The following IGFN1 variants were observed in gnomAD, a reference collection of about 807,000 sequenced individuals.
IGFN1 encodes the protein immunoglobulin like and fibronectin type III domain containing 1, also known as immunoglobulin-like and fibronectin type III domain-containing protein 1.
In IGFN1, 253 loss-of-function variants were observed where a neutral mutation model predicts 289.5. That is an observed-to-expected ratio of 0.87 (90% CI 0.79 to 0.97). IGFN1 has a LOEUF of 0.97. Among genes scored for constraint, IGFN1 ranks in the 50% least tolerant of loss-of-function variants. IGFN1 has a pLI of 0.00. For missense variants in IGFN1, 4,470 were observed against 4,686.1 expected, an observed-to-expected ratio of 0.95 and a Z score of 1.35; for synonymous variants, 1,706 against 1,788.5, an observed-to-expected ratio of 0.95 and a Z score of 1.16.
At chr1:201,204,491 A>T (rs531861781) in intron 10 of IGFN1, among the ~76,000 whole-genome samples, 4 of 152,186 alleles carry the variant, frequency 2.6e-5, no homozygotes, top group Non-Finnish European at 5.9e-5. Context: ...CTTTGGACAG[A>T]CATGTCGTAA....
intron 5 of IGFN1, among the ~76,000 whole-genome samples, chr1:201,198,615 C>A (rs371095017): frequency 6.6e-6 from 1 of 151,704 alleles, no homozygotes; most frequent in African/African-American, 2.4e-5. Flanking sequence ...TTTGTAGAGG[C>A]GGGGTCTCCC....
At position 201,221,645 on chromosome 1, in the gene IGFN1, G is replaced by A. The variant is rs138831338; in HGVS notation, c.10100G>A (p.Arg3367Gln). ...ACCACCTACACGGCCAAGGGGCTTC[G>A]GCCTGGAGAGGGCTACTTCGTGCGG... is the stretch of plus-strand genomic sequence containing the variant. ...PVTTYTAKGL[R>Q]PGEGYFVRVT... is the part of the protein sequence containing the mutation. The change falls in exon 19 of 24, where the codon CGG becomes CAG. Residue 3367 changes from arginine (R) to glutamine (Q), a missense_variant. Physicochemically the swap from Arg to Gln is conservative, Grantham distance 43. Coordinates refer to ENST00000335211, the MANE Select transcript of IGFN1 (RefSeq NM_001164586.2). 3.8e-5 allele frequency: 61 copies of A among 1,614,090 alleles called. No individual in the cohort carries two copies. Among genetic ancestry groups the A allele is most frequent in the African/African-American group, 6.7e-5 (5 of 74,934 alleles).
In IGFN1 at chr1:201,215,041, A is replaced by G. The variant is rs567882811; in HGVS notation, c.8882A>G (p.Lys2961Arg). 9 of 1,614,064 alleles carry G rather than the reference A, an allele frequency of 5.6e-6. No individual in the cohort carries two copies. The South Asian group carries it at 8.8e-5, about 16-fold the overall frequency. The change falls in exon 14 of 24, where the codon AAG (lysine) becomes AGG (arginine). Residue 2961 changes from lysine (K) to arginine (R), a missense_variant. By Grantham distance (26) the Lys-to-Arg change is conservative (BLOSUM62 2). This residue lies in a region of IGFN1 where 2,218 missense variants were observed against 2,114.1 expected (regional missense o/e 1.05). Transcript: ENST00000335211. ...ACCACCCAGGATGGAGTCATCTTTA[A>G]GCAAGACGGTCTCGTGCACAGCCTC... The part of the protein sequence containing the change: ...KLTTQDGVIF[K>R]QDGLVHSLFI...
intron 19 of IGFN1, 118 bp from the exon 20 acceptor site, chr1:201,222,621 T>C: frequency 1.6e-6 from 1 of 632,748 alleles, no homozygotes; most frequent in Middle Eastern, 3.6e-4. Context: ...TATGTTGGGA[T>C]CTCAGCATCA....
chr1:201,225,177 C>T (rs1319815145), intron 21 of IGFN1, among the ~76,000 whole-genome samples: 1 of 152,218 alleles, frequency 6.6e-6, no homozygotes, highest in Non-Finnish European at 1.5e-5. Context: ...ACTGTTACAT[C>T]ACTCCAAAGA....
At chr1:201,196,298 T>C (rs1458865844) in intron 4 of IGFN1, among the ~76,000 whole-genome samples, 1 of 152,210 alleles carries the variant, frequency 6.6e-6, no homozygotes, top group African/African-American at 2.4e-5. Flanking sequence ...TTTACCTCTG[T>C]CTCCTCATTT....
At position 201,209,107 on chromosome 1, in the gene IGFN1, T is replaced by G; in HGVS notation, c.4214T>G (p.Leu1405Arg). The change falls in exon 12 of 24, where the codon CTG becomes CGG. Residue 1405 changes from leucine to arginine, a missense_variant. This residue lies in a region of IGFN1 where 2,011 missense variants were observed against 1,953.4 expected (regional missense o/e 1.03). Coordinates refer to ENST00000335211, the MANE Select transcript of IGFN1 (RefSeq NM_001164586.2). ...AGGGGTCCTGGGGAGATGGGGTCAC[T>G]GGATGAGTCAGGTCATAGGAATGGG... The part of the protein sequence containing the change: ...GLRGPGEMGS[L>R]DESGHRNGIG... The G allele has an allele frequency of 6.5e-7, 1 of 1,532,604 alleles. No homozygotes were observed. Among genetic ancestry groups the G allele is most frequent in the Non-Finnish European group, 8.7e-7 (1 of 1,145,730 alleles). 94.9% of individuals were successfully genotyped at this position (1,532,604 alleles called of 1,614,324 possible).
intron 1 of IGFN1, among the ~76,000 whole-genome samples, chr1:201,191,864 A>T (rs952059166): frequency 6.6e-6 from 1 of 152,034 alleles, no homozygotes; most frequent in South Asian, 2.1e-4. Flanking sequence ...GCTCGTGGTG[A>T]TGATGTGGGT....
Position 201,207,363 on chromosome 1 carries a change from A to G in IGFN1, c.2470A>G (p.Arg824Gly), listed in dbSNP as rs1416220545. ...TTCCCAGGGCTGGACAGCAGGTCAC[A>G]GAGCAGCAGGGGGTATTGGCAGAAT... Reference protein sequence around the residue: ...QSSQGWTAGHRAAGGIGRIES... With the variant: ...QSSQGWTAGHGAAGGIGRIES... Residue 824 changes from arginine to glycine, a missense_variant, in exon 12 of 24, where the codon AGA (arginine) becomes GGA (glycine). By Grantham distance (125) the Arg-to-Gly change is moderately radical. This residue lies in a region of IGFN1 where 2,011 missense variants were observed against 1,953.4 expected (regional missense o/e 1.03). Transcript: ENST00000335211. The G allele has an allele frequency of 4.6e-6, 7 of 1,536,894 alleles. No individual in the cohort carries two copies. Among genetic ancestry groups the G allele is most frequent in the Non-Finnish European group, 6.1e-6 (7 of 1,146,876 alleles).
rs766835384 is a variant in IGFN1 at position 201,224,876 on chromosome 1, T to G, written c.10486+2T>G. 5.0e-6 allele frequency: 8 copies of G among 1,610,966 alleles called. No individual in the cohort carries two copies. In the East Asian group the frequency reaches 1.8e-4, roughly 36 times the overall value. The stretch of plus-strand genomic sequence containing the variant: ...ACAGCTTCCGTATCAGGGTGGCAGG[T>G]GAGGCAGGCCTTGCTCTGGGCTCTG... On this transcript the variant is annotated splice_donor_variant, in intron 21 of 23. Transcript: ENST00000335211. LOFTEE classifies it high-confidence loss of function.
At chr1:201,195,126 G>A (rs1201009802) in intron 3 of IGFN1, among the ~76,000 whole-genome samples, 1 of 151,826 alleles carries the variant, frequency 6.6e-6, no homozygotes, top group African/African-American at 2.4e-5. Flanking sequence ...TAGAGAGTAG[G>A]AAGGGAAGCC....
At position 201,206,227 on chromosome 1, in the gene IGFN1, T is replaced by A; in HGVS notation, c.1334T>A (p.Leu445His). 1 of 1,547,940 alleles carries A rather than the reference T, an allele frequency of 6.5e-7. No homozygotes were observed. Among genetic ancestry groups the A allele is most frequent in the African/African-American group, 1.4e-5 (1 of 72,950 alleles). ...SREQGPRGGS[L>H]EGAGPASGLQ... Reference sequence around the variant, plus strand: ...GAGCAGGGCCCCAGGGGGGGCTCCCTTGAAGGGGCTGGGCCGGCTTCTGGG... The same window carrying A: ...GAGCAGGGCCCCAGGGGGGGCTCCCATGAAGGGGCTGGGCCGGCTTCTGGG... Residue 445 changes from leucine to histidine, a missense_variant, in exon 12 of 24, where the codon CTT (leucine) becomes CAT (histidine). Leu to His is a moderately conservative substitution (Grantham distance 99). Around this residue, in one of 8 missense-constraint regions of IGFN1, gnomAD observed 2,011 missense variants for 1,953.4 expected, o/e 1.03. Coordinates refer to ENST00000335211, the MANE Select transcript of IGFN1 (RefSeq NM_001164586.2).
chr1:201,193,732 G>A lies in IGFN1; in HGVS notation c.8-422G>A, dbSNP rs540785444. Among the ~76,000 whole-genome samples, 7 of 152,300 alleles carry A rather than the reference G, an allele frequency of 4.6e-5. No individual in the cohort carries two copies. In the East Asian group the frequency reaches 1.2e-3, roughly 25 times the overall value. On this transcript the variant is annotated intron_variant, in intron 2 of 23. Coordinates refer to ENST00000335211, the MANE Select transcript of IGFN1 (RefSeq NM_001164586.2). ...CTCCGAAAGTGCTGGGATTACTGGC[G>A]TAAGCCACCGTGCTTGGCTTTTTTT... is the stretch of plus-strand genomic sequence containing the variant.
At chr1:201,204,159 A>T (rs1667291554) in intron 10 of IGFN1, among the ~76,000 whole-genome samples, 1 of 152,208 alleles carries the variant, frequency 6.6e-6, no homozygotes, top group Admixed American at 6.5e-5. Flanking sequence ...CATATGTGTC[A>T]TGCCTCTGCT....
rs1653322362 is a variant in IGFN1 at position 201,216,660 on chromosome 1, C to G, written c.9502C>G (p.Pro3168Ala). The G allele has an allele frequency of 2.5e-6, 4 of 1,613,874 alleles. No individual in the cohort carries two copies. The African/African-American group carries it at 4.0e-5, about 16-fold the overall frequency. ...STTFTDAHVE[P>A]GRKYTFRVRA... is the part of the protein sequence containing the mutation. ...CACCTTCACGGATGCCCATGTGGAG[C>G]CAGGCAGGAAGTATACCTTCCGAGT... The change falls in exon 16 of 24, where the codon CCA (proline) becomes GCA (alanine). Residue 3168 changes from proline (P) to alanine (A), a missense_variant. Coordinates refer to ENST00000335211, the MANE Select transcript of IGFN1 (RefSeq NM_001164586.2).
intron 4 of IGFN1, 102 bp downstream of exon 4, chr1:201,196,080 C>CTCCTCGTTGAGGTTGAA: frequency 8.4e-7 from 1 of 1,188,616 alleles, no homozygotes; most frequent in Non-Finnish European, 1.1e-6. Context: ...GTAAGACATA[C>CTCCTCGTTGAGGTTGAA]TCCTCGTTGA....
chr1:201,199,573 C>A, intron 6 of IGFN1, 36 bp from the exon 7 acceptor site: 1 of 1,539,048 alleles, frequency 6.5e-7, no homozygotes. Flanking sequence ...AGTCATCCCA[C>A]CTGGGACTGA....
intron 9 of IGFN1, 55 bp from the exon 10 acceptor site, chr1:201,203,683 C>T: frequency 1.3e-6 from 2 of 1,499,694 alleles, no homozygotes; most frequent in South Asian, 1.2e-5. Flanking sequence ...GGGACTGGGG[C>T]AGGAAGCACT....
intron 9 of IGFN1, 127 bp from the exon 10 acceptor site, chr1:201,203,611 T>A (rs1282754048): frequency 1.2e-6 from 1 of 813,006 alleles, no homozygotes; most frequent in Non-Finnish European, 1.9e-6. Context: ...CCTCTATGGT[T>A]CCAGGAATCT....
Sources: gnomAD v4.1 joint callset for allele counts (sites outside exome capture counted in the v4.1 genomes callset) on GRCh38, gnomAD v4.1.1 for gene constraint, gnomAD v4.1.1 regional missense constraint, MANE v1.5 for transcripts, NCBI Gene and HGNC (gene_info 2026-07-23, HGNC 2026-07-21) for gene names.